OPCML: variants seen among roughly 807,000 people sequenced by gnomAD.
The protein encoded by OPCML is opioid-binding protein/cell adhesion molecule.
Under a neutral mutation model 37.8 loss-of-function variants are expected in OPCML, and 13 were observed. The ratio of observed to expected loss-of-function variants is 0.34; its 90% CI spans 0.22 to 0.55. OPCML has a LOEUF of 0.55. OPCML is among the 20% of genes least tolerant of loss of function. The pLI, the probability that OPCML is intolerant of heterozygous loss-of-function variation, is 0.91. For missense variants in OPCML, 341 were observed against 435.6 expected, an observed-to-expected ratio of 0.78 and a Z score of 1.93; for synonymous variants, 176 against 168.8, an observed-to-expected ratio of 1.04 and a Z score of -0.33.
At chr11:132,714,633 G>C (rs1039190435) in intron 2 of OPCML, among the ~76,000 whole-genome samples, 1 of 152,182 alleles carries the variant, frequency 6.6e-6, no homozygotes, top group Non-Finnish European at 1.5e-5. Flanking sequence ...TGGTTATGTT[G>C]GTGCCAGAGT....
At chr11:133,158,157 G>A (rs925243337) in intron 1 of OPCML, among the ~76,000 whole-genome samples, 4 of 152,200 alleles carry the variant, frequency 2.6e-5, no homozygotes, top group Admixed American at 6.5e-5. Flanking sequence ...ACCGACAGGG[G>A]CTGGATTGTT....
intron 1 of OPCML, among the ~76,000 whole-genome samples, chr11:133,217,950 C>T (rs545772885): frequency 4.6e-5 from 7 of 151,266 alleles, no homozygotes; most frequent in South Asian, 4.2e-4. Flanking sequence ...GGAGGCTGAG[C>T]GGGGAGGATG....
intron 1 of OPCML, among the ~76,000 whole-genome samples, chr11:133,256,405 G>A (rs1366476082): frequency 6.6e-6 from 1 of 152,166 alleles, no homozygotes; most frequent in African/African-American, 2.4e-5. Flanking sequence ...TTATATTAAT[G>A]TGTTTGTAAT....
rs1026286332 is a variant in OPCML at position 132,418,245 on chromosome 11, C to T, written c.*1948G>A. ...GCCTGAAAAGGTTTTCCAACTGAGG[C>T]AGGGCAGGTCTGCGATTGATGCTGC... On this transcript the variant is annotated 3_prime_UTR_variant, in exon 8 of 8. Coordinates refer to ENST00000524381, the MANE Select transcript of OPCML (RefSeq NM_001012393.5). 2 of 152,152 alleles carry T rather than the reference C, an allele frequency of 1.3e-5. No homozygotes were observed. The highest frequency in any genetic ancestry group is 2.9e-5 in the Non-Finnish European group (2 of 68,034). 9.4% of individuals were successfully genotyped at this position (152,152 alleles called of 1,614,324 possible). A position where few individuals can be genotyped will look rare whatever the true frequency, so the allele number is the denominator to read the frequency against.
intron 1 of OPCML, chr11:133,439,445 T>G: frequency 1.0e-6 from 1 of 985,104 alleles, no homozygotes; most frequent in Non-Finnish European, 1.2e-6. Flanking sequence ...AACTCTTTTT[T>G]GTTTTTTTGT....
intron 1 of OPCML, among the ~76,000 whole-genome samples, chr11:133,140,668 AAAG>A (rs1265903633): frequency 4.9e-3 from 9 of 1,852 alleles, no homozygotes; most frequent in Admixed American, 0.013. Context: ...GAAAAGAAGA[AAAG>A]AAGAAAGAAG....
intron 1 of OPCML, among the ~76,000 whole-genome samples, chr11:132,963,657 A>G (rs60250796): frequency 6.6e-6 from 1 of 151,472 alleles, no homozygotes; most frequent in Middle Eastern, 3.2e-3. Context: ...TTCCTTCACC[A>G]TTCTTATATA....
chr11:132,611,424 C>T (rs1252270196), intron 3 of OPCML, among the ~76,000 whole-genome samples: 1 of 152,202 alleles, frequency 6.6e-6, no homozygotes, highest in Non-Finnish European at 1.5e-5. Context: ...TAATCCCACC[C>T]TTCCTCCATT....
chr11:133,186,507 C>T (rs540012576), intron 1 of OPCML, among the ~76,000 whole-genome samples: 9 of 64,562 alleles, frequency 1.4e-4, no homozygotes, highest in South Asian at 9.6e-4. Context: ...AGAAAAAAGG[C>T]GGGGGCGGGG....
chr11:132,504,356 G>T (rs771409542), intron 4 of OPCML, among the ~76,000 whole-genome samples: 1 of 152,182 alleles, frequency 6.6e-6, no homozygotes, highest in Non-Finnish European at 1.5e-5. Context: ...TTGGATGGAC[G>T]CATTCGCTAT....
intron 1 of OPCML, among the ~76,000 whole-genome samples, chr11:133,047,571 C>T (rs1464364284): frequency 6.6e-6 from 1 of 152,154 alleles, no homozygotes; most frequent in East Asian, 1.9e-4. Context: ...GGCCCACGTG[C>T]TCCAGCTGAG....
At chr11:132,634,537 G>C (rs1940359794) in intron 3 of OPCML, among the ~76,000 whole-genome samples, 1 of 152,076 alleles carries the variant, frequency 6.6e-6, no homozygotes, top group South Asian at 2.1e-4. Context: ...TCAAGGGAAG[G>C]GTCATACAGT....
At chr11:133,108,148 A>G (rs925946287) in intron 1 of OPCML, among the ~76,000 whole-genome samples, 4 of 152,200 alleles carry the variant, frequency 2.6e-5, no homozygotes, top group African/African-American at 9.6e-5. Flanking sequence ...AAGCCTTGGA[A>G]AAGATTTTCT....
intron 1 of OPCML, among the ~76,000 whole-genome samples, chr11:133,463,166 A>G (rs1171073231): frequency 6.7e-6 from 1 of 149,966 alleles, no homozygotes; most frequent in Non-Finnish European, 1.5e-5. Flanking sequence ...TTGAATATAC[A>G]GTTAAAAAAA....
At chr11:133,314,984 G>C (rs1279106046) in intron 1 of OPCML, among the ~76,000 whole-genome samples, 1 of 126,240 alleles carries the variant, frequency 7.9e-6, no homozygotes, top group African/African-American at 3.6e-5. Context: ...CAGTGTGTGT[G>C]CGTGTGTGTG....
At chr11:133,356,545 C>T (rs1944295375) in intron 1 of OPCML, among the ~76,000 whole-genome samples, 1 of 152,138 alleles carries the variant, frequency 6.6e-6, no homozygotes, top group Admixed American at 6.5e-5. Context: ...ATCAGCTCTT[C>T]CTCTCCCTCT....
chr11:133,189,411 T>A (rs1034619115), intron 1 of OPCML, among the ~76,000 whole-genome samples: 4 of 152,186 alleles, frequency 2.6e-5, no homozygotes, highest in African/African-American at 9.7e-5. Context: ...CCTAACATTC[T>A]TTACAAAATA....
chr11:133,131,384 G>A (rs1328101902), intron 1 of OPCML, among the ~76,000 whole-genome samples: 1 of 152,126 alleles, frequency 6.6e-6, no homozygotes, highest in Non-Finnish European at 1.5e-5. Flanking sequence ...AACTTCTAGA[G>A]TATAACATAG....
At chr11:132,438,565 G>A (rs190116665) in intron 4 of OPCML, among the ~76,000 whole-genome samples, 18 of 151,860 alleles carry the variant, frequency 1.2e-4, no homozygotes, top group Non-Finnish European at 2.6e-4. Context: ...TATAGGGTGG[G>A]CAGCAGGAAG....
Sources: gnomAD v4.1 joint callset for allele counts (sites outside exome capture counted in the v4.1 genomes callset) on GRCh38, gnomAD v4.1.1 for gene constraint, MANE v1.5 for transcripts, NCBI Gene and HGNC (gene_info 2026-07-23, HGNC 2026-07-21) for gene names.